The following MSH3 variants were observed in gnomAD, a reference collection of about 807,000 sequenced individuals.
The protein encoded by MSH3 is DNA mismatch repair protein Msh3.
MSH3 carries 106 observed loss-of-function variants against 123.3 expected under a neutral mutation model. The observed-to-expected ratio is 0.86, with a 90% CI of 0.73 to 1.01. The LOEUF is 1.01. MSH3 is among the 50% of genes least tolerant of loss of function. MSH3 has a pLI of 0.00. For synonymous variants in MSH3, 515 were observed against 481.4 expected (o/e 1.07, Z -0.91); for missense variants, 1,459 against 1,347.6 (o/e 1.08, Z -1.29).
Position 80,675,091 on chromosome 5 carries a change from G to C in MSH3, c.1136G>C (p.Arg379Thr). ...ATCTCTGAAAATAAGGAAAATGTTA[G>C]GGACAAAAAAAAGGGCAACATTTTT... ...LCISENKENV[R>T]DKKKGNIFIG... is the part of the protein sequence containing the mutation. Residue 379 changes from arginine (R) to threonine (T), a missense_variant, in exon 7 of 24, where the codon AGG (arginine) becomes ACG (threonine). Coordinates refer to ENST00000265081, the MANE Select transcript of MSH3 (RefSeq NM_002439.5). The C allele has an allele frequency of 6.2e-7, 1 of 1,613,366 alleles. No homozygotes were observed. The highest frequency in any genetic ancestry group is 1.1e-5 in the South Asian group (1 of 91,046).
chr5:80,661,678 G>C lies in MSH3; in HGVS notation c.359-3465G>C, dbSNP rs1451842802. On this transcript the variant is annotated intron_variant, in intron 2 of 23. Coordinates refer to ENST00000265081, the MANE Select transcript of MSH3 (RefSeq NM_002439.5). ...AATTGCATCATATCTGTCATTTCTG[G>C]GGCTGCATCCCTTGACAGATTTTTC... is the stretch of plus-strand genomic sequence containing the variant. 2.6e-5 allele frequency among the ~76,000 whole-genome samples: 4 copies of C among 151,802 alleles called. No individual in the cohort carries two copies. In the East Asian group the frequency reaches 7.7e-4, roughly 29 times the overall value.
chr5:80,655,336 G>C (rs1048201800), intron 1 of MSH3: 8 of 241,064 alleles, frequency 3.3e-5, no homozygotes, highest in Middle Eastern at 1.2e-3. Flanking sequence ...TTAAAAAAGT[G>C]CTGGATTGGG....
chr5:80,722,979 T>C (rs1049674264), intron 8 of MSH3, among the ~76,000 whole-genome samples: 1 of 152,034 alleles, frequency 6.6e-6, no homozygotes, highest in African/African-American at 2.4e-5. Flanking sequence ...TGGTAATGCC[T>C]ATCTGTAGTC....
chr5:80,736,861 C>T (rs1314175662), intron 10 of MSH3, among the ~76,000 whole-genome samples: 1 of 152,172 alleles, frequency 6.6e-6, no homozygotes, highest in African/African-American at 2.4e-5. Context: ...CCCGGTTCCC[C>T]CTGGACTTTG....
chr5:80,654,697 C>CCTGCCGCCGGGCT lies in MSH3; in HGVS notation c.-30_-18dup. 1 of 1,573,964 alleles carries CCTGCCGCCGGGCT rather than the reference C, an allele frequency of 6.4e-7. No homozygotes were observed. On this transcript the variant is annotated 5_prime_UTR_variant, in exon 1 of 24. Coordinates refer to ENST00000265081, the MANE Select transcript of MSH3 (RefSeq NM_002439.5). ...CGCGGGCTCGCGCTCCTCGCCAGGC[C>CCTGCCGCCGGGCT]CTGCCGCCGGGCTGCCATCCTTGCC... is the stretch of plus-strand genomic sequence containing the variant.
At chr5:80,725,260 A>G (rs919019600) in intron 8 of MSH3, among the ~76,000 whole-genome samples, 193 bp from the exon 9 acceptor site, 1 of 151,276 alleles carries the variant, frequency 6.6e-6, no homozygotes, top group Non-Finnish European at 1.5e-5. Flanking sequence ...AAAAGTACTC[A>G]TTTTAATATT....
At chr5:80,674,506 A>G (rs1429005641) in intron 6 of MSH3, among the ~76,000 whole-genome samples, 1 of 152,180 alleles carries the variant, frequency 6.6e-6, no homozygotes, top group African/African-American at 2.4e-5. Flanking sequence ...TCTCAGCATC[A>G]TCCAAGTGAT....
chr5:80,704,856 CG>C (rs1750683976), intron 8 of MSH3, among the ~76,000 whole-genome samples: 1 of 152,160 alleles, frequency 6.6e-6, no homozygotes. Context: ...CCTTGTCCCT[CG>C]CTTTGGGCTC....
intron 21 of MSH3, among the ~76,000 whole-genome samples, chr5:80,861,350 A>G (rs1332170450): frequency 6.6e-6 from 1 of 151,922 alleles, no homozygotes; most frequent in African/African-American, 2.4e-5. Flanking sequence ...CCTCCCTCCC[A>G]CCCCTCAGGT....
intron 3 of MSH3, 142 bp from the exon 4 acceptor site, chr5:80,669,955 C>A: frequency 1.3e-6 from 1 of 742,288 alleles, no homozygotes; most frequent in Non-Finnish European, 2.2e-6. Context: ...GATAGTTTGC[C>A]GGAATGCTAC....
intron 7 of MSH3, among the ~76,000 whole-genome samples, chr5:80,677,041 C>G (rs913997517): frequency 1.3e-5 from 2 of 152,174 alleles, no homozygotes; most frequent in African/African-American, 4.8e-5. Flanking sequence ...GCACCTCTCT[C>G]GAGCTCCAGG....
At chr5:80,754,828 G>T (rs1743896591) in intron 12 of MSH3, among the ~76,000 whole-genome samples, 2 of 152,090 alleles carry the variant, frequency 1.3e-5, no homozygotes, top group South Asian at 4.1e-4. Flanking sequence ...AGTATTAATG[G>T]TTGTATTTCT....
chr5:80,666,926 A>T (rs2112810044), intron 3 of MSH3, among the ~76,000 whole-genome samples: 1 of 152,348 alleles, frequency 6.6e-6, no homozygotes, highest in Middle Eastern at 3.4e-3. Context: ...TGTCTCTGGG[A>T]ATATGAAATA....
chr5:80,750,141 G>C (rs551448872), intron 12 of MSH3, among the ~76,000 whole-genome samples: 1 of 141,742 alleles, frequency 7.1e-6, no homozygotes, highest in Non-Finnish European at 1.5e-5. Context: ...TCATCTATTG[G>C]TGGACACTTT....
intron 8 of MSH3, among the ~76,000 whole-genome samples, chr5:80,683,343 C>T (rs1396759325): frequency 6.6e-6 from 1 of 151,986 alleles, no homozygotes; most frequent in Non-Finnish European, 1.5e-5. Context: ...GTGAGGGTTC[C>T]CTTTTCTCCA....
intron 22 of MSH3, among the ~76,000 whole-genome samples, chr5:80,868,685 G>C (rs1268302382): frequency 2.7e-5 from 4 of 148,708 alleles, no homozygotes; most frequent in African/African-American, 1.0e-4. Flanking sequence ...TAATACCTGG[G>C]CGATTAAATA....
intron 2 of MSH3, among the ~76,000 whole-genome samples, chr5:80,658,497 T>A (rs1749349650): frequency 6.6e-6 from 1 of 152,232 alleles, no homozygotes; most frequent in Admixed American, 6.5e-5. Context: ...ACACTTGGCA[T>A]ATTTTAAAAT....
intron 8 of MSH3, among the ~76,000 whole-genome samples, chr5:80,722,011 G>A (rs1027253495): frequency 5.9e-5 from 9 of 152,026 alleles, no homozygotes; most frequent in African/African-American, 2.2e-4. Context: ...ATGCCCATGA[G>A]AATTTGTTTA....
rs200555628 is a variant in MSH3, at chr5:80,786,173, TA to T, written c.2436-1384del. ...TTAATTAATTAATTAAAAAATAAAT[TA>T]AAAAAAAGTAGGCACCTTATTTCTA... On this transcript the variant is annotated intron_variant, in intron 17 of 23. Coordinates refer to ENST00000265081, the MANE Select transcript of MSH3 (RefSeq NM_002439.5). Among the ~76,000 whole-genome samples the T allele has an allele frequency of 1.0e-2, 1,503 of 150,958 alleles. 29 individuals are homozygous for T. The highest frequency in any genetic ancestry group is 0.034 in the African/African-American group (1,399 of 41,282).
Sources: gnomAD v4.1 joint callset for allele counts (sites outside exome capture counted in the v4.1 genomes callset) on GRCh38, gnomAD v4.1.1 for gene constraint, MANE v1.5 for transcripts, NCBI Gene and HGNC (gene_info 2026-07-23, HGNC 2026-07-21) for gene names.